REST: variants seen among roughly 807,000 people sequenced by gnomAD.
REST encodes the protein RE1-silencing transcription factor.
Under a neutral mutation model 30.4 loss-of-function variants are expected in REST, and 1 was observed. The observed-to-expected ratio is 0.03, with a 90% CI of 0.01 to 0.16. The LOEUF is 0.16. REST is among the 10% of genes least tolerant of loss of function. The probability of loss-of-function intolerance (pLI) is 1.00; values close to 1 mark genes in which losing one functional copy is unlikely to be tolerated. For missense variants in REST, 1,259 were observed against 1,329.5 expected (o/e 0.95, Z 0.82); for synonymous variants, 504 against 451.1 (o/e 1.12, Z -1.49).
chr4:56,911,970 GA>G (rs369171690), intron 2 of REST, among the ~76,000 whole-genome samples: 40 of 148,788 alleles, frequency 2.7e-4, no homozygotes, highest in African/African-American at 8.9e-4. Flanking sequence ...AAAGAAAACA[GA>G]AAAAAAAAAG....
rs923771558 is a variant in REST at position 56,931,229 on chromosome 4, G to A, written c.2371G>A (p.Glu791Lys). 1 of 1,614,088 alleles carries A rather than the reference G, an allele frequency of 6.2e-7. No individual in the cohort carries two copies. The highest frequency in any genetic ancestry group is 8.5e-7 in the Non-Finnish European group (1 of 1,180,032). Residue 791 changes from glutamate to lysine, a missense_variant, in exon 4 of 4, where the codon GAG (glutamate) becomes AAG (lysine). Physicochemically the swap from Glu to Lys is moderately conservative, Grantham distance 56 (BLOSUM62 1). Transcript: ENST00000309042. ...TCCTCCCATGGGGGTGGTTCAGAAG[G>A]AGCCTGCTCAGAGGGAGCCACCTCC... ...LSPPMGVVQK[E>K]PAQREPPPPR... is the part of the protein sequence containing the mutation.
At chr4:56,909,683 C>T (rs886387278) in intron 1 of REST, 1 of 152,212 alleles carries the variant, frequency 6.6e-6, no homozygotes, top group African/African-American at 2.4e-5. Context: ...GAACTTCTTA[C>T]TTTTTTTAAT....
chr4:56,909,930 T>C (rs981978170), intron 1 of REST, among the ~76,000 whole-genome samples: 7 of 152,202 alleles, frequency 4.6e-5, no homozygotes, highest in African/African-American at 1.7e-4. Flanking sequence ...TGCAGAAAAA[T>C]AAGCTTATTA....
Position 56,924,688 on chromosome 4 carries a change from C to G in REST, c.982+4818C>G, listed in dbSNP as rs369289750. On this transcript the variant is annotated intron_variant, in intron 3 of 3. Coordinates refer to ENST00000309042, the MANE Select transcript of REST (RefSeq NM_005612.5). Reference sequence around the variant, plus strand: ...TGTTGGCCCAGGCTGGTTTTGAACTCCTGGGCTCAAGCGATCCACTTGCCT... The same window carrying G: ...TGTTGGCCCAGGCTGGTTTTGAACTGCTGGGCTCAAGCGATCCACTTGCCT... Among the ~76,000 whole-genome samples the G allele has an allele frequency of 2.6e-5, 4 of 151,624 alleles. No individual in the cohort carries two copies. In the East Asian group the frequency reaches 7.8e-4, roughly 29 times the overall value.
rs1721019947 is a variant in REST at position 56,932,727 on chromosome 4, G to A, written c.*575G>A. 6.6e-6 allele frequency: 1 copy of A among 152,098 alleles called. No homozygotes were observed. Among genetic ancestry groups the A allele is most frequent in the South Asian group, 2.1e-4 (1 of 4,836 alleles). The allele number at this position is 152,098 out of a possible 1,614,324, so 9.4% of individuals were successfully genotyped here. ...GTGTATGTTAATCGTCATAAAAACA[G>A]TGATTTTGGTGTGTTTTTTATTTTG... On this transcript the variant is annotated 3_prime_UTR_variant, in exon 4 of 4. Transcript: ENST00000309042.
At chr4:56,916,195 G>A (rs2109537637) in intron 2 of REST, among the ~76,000 whole-genome samples, 1 of 152,286 alleles carries the variant, frequency 6.6e-6, no homozygotes, top group East Asian at 1.9e-4. Context: ...TTTCATTCTG[G>A]TTGACCTCTT....
Position 56,935,472 on chromosome 4 carries a change from C to T in REST, c.*3320C>T, listed in dbSNP as rs1422248126. 6 of 152,182 alleles carry T rather than the reference C, an allele frequency of 3.9e-5. No individual in the cohort carries two copies. The highest frequency in any genetic ancestry group is 8.8e-5 in the Non-Finnish European group (6 of 68,030). The allele number at this position is 152,182 out of a possible 1,614,324, so 9.4% of individuals were successfully genotyped here. ...ACAGTTTCACATGTGTACATAGGTT[C>T]CCTCCCGGTCCCTTCCATATCCATT... is the stretch of plus-strand genomic sequence containing the variant. On this transcript the variant is annotated 3_prime_UTR_variant, in exon 4 of 4. Transcript: ENST00000309042.
rs1389375510 is a variant in REST at position 56,935,337 on chromosome 4, A to T, written c.*3185A>T. On this transcript the variant is annotated 3_prime_UTR_variant, in exon 4 of 4. Transcript: ENST00000309042. ...TGTTCCTAGTTTCCTGGTTGACCTC[A>T]GCAGATGAAGTGAACAGATAGTGTT... The T allele has an allele frequency of 6.6e-6, 1 of 152,238 alleles. No homozygotes were observed. Among genetic ancestry groups the T allele is most frequent in the African/African-American group, 2.4e-5 (1 of 41,468 alleles). The allele number at this position is 152,238 out of a possible 1,614,324, so 9.4% of individuals were successfully genotyped here.
chr4:56,917,990 T>G (rs1720281599), intron 2 of REST, among the ~76,000 whole-genome samples: 1 of 138,016 alleles, frequency 7.2e-6, no homozygotes, highest in African/African-American at 2.8e-5. Flanking sequence ...AGGCATAGCT[T>G]GCAGTGAGCC....
At chr4:56,924,834 G>A (rs1720610478) in intron 3 of REST, among the ~76,000 whole-genome samples, 1 of 151,992 alleles carries the variant, frequency 6.6e-6, no homozygotes, top group East Asian at 1.9e-4. Flanking sequence ...TTTATTGCTG[G>A]TAATGTATTG....
chr4:56,911,664 C>G, intron 2 of REST, 128 bp downstream of exon 2: 2 of 742,214 alleles, frequency 2.7e-6, no homozygotes, highest in Non-Finnish European at 4.4e-6. Context: ...ATCTTTGTGA[C>G]CTTGCACAAG....
chr4:56,920,468 A>G (rs747968531), intron 3 of REST, among the ~76,000 whole-genome samples: 6 of 151,766 alleles, frequency 4.0e-5, no homozygotes, highest in Non-Finnish European at 7.4e-5. Flanking sequence ...ACCACTCATA[A>G]TTAGTCCCTG....
chr4:56,930,162 C>G lies in REST; in HGVS notation c.1304C>G (p.Ala435Gly). 6.2e-7 allele frequency: 1 copy of G among 1,612,840 alleles called. No individual in the cohort carries two copies. The highest frequency in any genetic ancestry group is 2.2e-5 in the East Asian group (1 of 44,872). Reference sequence around the variant, plus strand: ...CTAAAGAAAACCAAAAAACGAGAGGCTGACTTGCCTGATAATATTACCAAT... The same window carrying G: ...CTAAAGAAAACCAAAAAACGAGAGGGTGACTTGCCTGATAATATTACCAAT... ...VKLKKTKKRE[A>G]DLPDNITNEK... Residue 435 changes from alanine to glycine, a missense_variant, in exon 4 of 4, where the codon GCT (alanine) becomes GGT (glycine). By Grantham distance (60) the Ala-to-Gly change is moderately conservative (BLOSUM62 0). Around this residue, in one of 5 missense-constraint regions of REST, gnomAD observed 856 missense variants for 772.8 expected, o/e 1.11. Coordinates refer to ENST00000309042, the MANE Select transcript of REST (RefSeq NM_005612.5).
At chr4:56,929,261 G>A (rs951514105) in intron 3 of REST, among the ~76,000 whole-genome samples, 4 of 151,928 alleles carry the variant, frequency 2.6e-5, no homozygotes, top group African/African-American at 9.7e-5. Flanking sequence ...AGTAGAGATG[G>A]GGTTTCACCG....
At chr4:56,910,180 A>G (rs545564037) in intron 1 of REST, among the ~76,000 whole-genome samples, 14 of 152,228 alleles carry the variant, frequency 9.2e-5, no homozygotes, top group Non-Finnish European at 1.9e-4. Context: ...AATGCACTGA[A>G]TGGCTTGTGG....
At chr4:56,925,260 T>C (rs1437451027) in intron 3 of REST, among the ~76,000 whole-genome samples, 1 of 152,130 alleles carries the variant, frequency 6.6e-6, no homozygotes, top group East Asian at 1.9e-4. Context: ...AAACTTAAAT[T>C]GAGAGGCTTG....
Position 56,920,874 on chromosome 4 carries a change from AT to A in REST, c.982+1012del, listed in dbSNP as rs1186905202. 5.3e-5 allele frequency among the ~76,000 whole-genome samples: 8 copies of A among 151,926 alleles called. No individual in the cohort carries two copies. In the East Asian group the frequency reaches 1.2e-3, roughly 22 times the overall value. ...TACCACTTTTACTTTTTATTTTTAT[AT>A]TTTTTTTGGAGACGGAGTCTTGCTC... On this transcript the variant is annotated intron_variant, in intron 3 of 3. Transcript: ENST00000309042.
intron 2 of REST, among the ~76,000 whole-genome samples, chr4:56,918,588 T>G (rs1490754227): frequency 7.2e-5 from 11 of 152,172 alleles, no homozygotes; most frequent in South Asian, 2.1e-4. Context: ...AGACAGGCTC[T>G]CTCTCTGTAC....
chr4:56,922,853 C>T (rs571493783), intron 3 of REST, among the ~76,000 whole-genome samples: 1 of 152,158 alleles, frequency 6.6e-6, no homozygotes, highest in East Asian at 1.9e-4. Flanking sequence ...TAATCTTTCT[C>T]GCAAATGATA....
Sources: allele counts gnomAD v4.1 joint callset (sites outside exome capture counted in the v4.1 genomes callset), GRCh38; gene constraint gnomAD v4.1.1; regional missense constraint gnomAD v4.1.1; transcripts MANE v1.5; gene names NCBI Gene and HGNC (gene_info 2026-07-23, HGNC 2026-07-21).